RAB3IP: variants seen among roughly 807,000 people sequenced by gnomAD.
RAB3IP encodes the protein RAB3A interacting protein.
Under a neutral mutation model 59.1 loss-of-function variants are expected in RAB3IP, and 36 were observed. That is an observed-to-expected ratio of 0.61 (90% CI 0.47 to 0.80). The LOEUF (loss-of-function observed/expected upper bound fraction) is 0.80. Ranked by LOEUF, RAB3IP falls within the 30% of genes least tolerant of loss-of-function variation. The probability of loss-of-function intolerance (pLI) is 0.00; values close to 1 mark genes in which losing one functional copy is unlikely to be tolerated. For missense variants in RAB3IP, 511 were observed against 536.0 expected (o/e 0.95, Z 0.46); for synonymous variants, 207 against 191.2 (o/e 1.08, Z -0.68).
intron 8 of RAB3IP, among the ~76,000 whole-genome samples, chr12:69,803,906 C>T (rs971150986): frequency 2.0e-5 from 3 of 152,178 alleles, no homozygotes; most frequent in African/African-American, 7.2e-5. Context: ...CATTGTTGGA[C>T]ATTTGGGTTG....
At chr12:69,759,954 C>T (rs1347850258) in intron 3 of RAB3IP, among the ~76,000 whole-genome samples, 8 of 149,512 alleles carry the variant, frequency 5.4e-5, no homozygotes, top group African/African-American at 1.8e-4. Context: ...CGGGCAGAGA[C>T]GCTCCTCACT....
chr12:69,739,971 A>C, intron 1 of RAB3IP: 1 of 1,110,028 alleles, frequency 9.0e-7, no homozygotes, highest in Non-Finnish European at 1.4e-6. Flanking sequence ...TACCTGTTAT[A>C]CACTCTCCTG....
intron 8 of RAB3IP, among the ~76,000 whole-genome samples, chr12:69,809,194 A>G: frequency 6.7e-6 from 1 of 150,186 alleles, no homozygotes. Flanking sequence ...TCTGGGTTGA[A>G]AATTATTTTC....
At chr12:69,802,711 T>A (rs1878581675) in intron 8 of RAB3IP, among the ~76,000 whole-genome samples, 9 of 152,230 alleles carry the variant, frequency 5.9e-5, no homozygotes, top group Admixed American at 5.9e-4. Context: ...CTGGTTGAGA[T>A]GAACTAATAG....
At chr12:69,809,357 T>C (rs1249380901) in intron 8 of RAB3IP, among the ~76,000 whole-genome samples, 2 of 152,320 alleles carry the variant, frequency 1.3e-5, no homozygotes, top group African/African-American at 4.8e-5. Flanking sequence ...TCAACTTTGG[T>C]GAATCTGACA....
chr12:69,799,519 T>G (rs1166903392), intron 6 of RAB3IP, among the ~76,000 whole-genome samples: 1 of 152,180 alleles, frequency 6.6e-6, no homozygotes, highest in African/African-American at 2.4e-5. Context: ...TGGATTATTA[T>G]TGATGCCTAA....
intron 3 of RAB3IP, among the ~76,000 whole-genome samples, chr12:69,781,797 G>A (rs1357655470): frequency 6.6e-6 from 1 of 152,202 alleles, no homozygotes; most frequent in Non-Finnish European, 1.5e-5. Context: ...CTGCTTCTAA[G>A]TTTGGGCAGT....
At position 69,817,849 on chromosome 12, in the gene RAB3IP, T is replaced by C. The variant is rs1472350810; in HGVS notation, c.*2403T>C. 1 of 151,606 alleles carries C rather than the reference T, an allele frequency of 6.6e-6. No homozygotes were observed. Among genetic ancestry groups the C allele is most frequent in the Non-Finnish European group, 1.5e-5 (1 of 67,898 alleles). 9.4% of individuals were successfully genotyped at this position (151,606 alleles called of 1,614,324 possible). A position where few individuals can be genotyped will look rare whatever the true frequency, so the allele number is the denominator to read the frequency against. ...GCAACATTTATAACTAGTAATAGCT[T>C]AGTATCAAGAATGTATGCAGAAATT... is the stretch of plus-strand genomic sequence containing the variant. On this transcript the variant is annotated 3_prime_UTR_variant, in exon 11 of 11. Transcript: ENST00000247833.
In RAB3IP at chr12:69,755,584, A is replaced by C. The variant is rs377397273; in HGVS notation, c.176A>C (p.Asp59Ala). The C allele has an allele frequency of 2.7e-5, 43 of 1,613,830 alleles. No homozygotes were observed. Among genetic ancestry groups the C allele is most frequent in the Non-Finnish European group, 3.6e-5 (42 of 1,179,964 alleles). ...GTACCTATCCAGGCAAATGCATTAGATGTTTCTGAACTTCCTACACAACCC... is the reference window on the plus strand; with the variant it reads ...GTACCTATCCAGGCAAATGCATTAGCTGTTTCTGAACTTCCTACACAACCC... ...SSVPIQANAL[D>A]VSELPTQPVY... Residue 59 changes from aspartate (D) to alanine (A), a missense_variant, in exon 2 of 11, where the codon GAT becomes GCT. By Grantham distance (126) the Asp-to-Ala change is moderately radical. Transcript: ENST00000247833.
chr12:69,753,338 G>A (rs1302909097), intron 1 of RAB3IP, among the ~76,000 whole-genome samples: 13 of 152,100 alleles, frequency 8.5e-5, no homozygotes, highest in Admixed American at 8.5e-4. Context: ...GAAATGATGT[G>A]CTATATTGTT....
At chr12:69,747,425 A>G (rs1021974253) in intron 1 of RAB3IP, among the ~76,000 whole-genome samples, 3 of 151,964 alleles carry the variant, frequency 2.0e-5, no homozygotes, top group Admixed American at 2.0e-4. Context: ...TTCCTGGCTC[A>G]GGAGTAGCTG....
chr12:69,765,976 C>G (rs186100486), intron 3 of RAB3IP, among the ~76,000 whole-genome samples: 2 of 152,340 alleles, frequency 1.3e-5, no homozygotes, highest in East Asian at 1.9e-4. Flanking sequence ...GGTCCCCAAT[C>G]TATCCTGGCT....
chr12:69,752,335 T>A (rs933343245), intron 1 of RAB3IP, among the ~76,000 whole-genome samples: 42 of 150,848 alleles, frequency 2.8e-4, no homozygotes, highest in Non-Finnish European at 5.3e-4. Flanking sequence ...ATATATATAT[T>A]TATTTATTTT....
At chr12:69,788,334 T>G (rs990225939) in intron 4 of RAB3IP, among the ~76,000 whole-genome samples, 1 of 152,160 alleles carries the variant, frequency 6.6e-6, no homozygotes, top group Non-Finnish European at 1.5e-5. Context: ...TATTGCTTAT[T>G]GCTCCTGGGC....
intron 3 of RAB3IP, among the ~76,000 whole-genome samples, chr12:69,779,943 A>T (rs1874383506): frequency 6.6e-6 from 1 of 152,166 alleles, no homozygotes. Flanking sequence ...TTAGTTATTT[A>T]TTCAAGTCTT....
chr12:69,795,355 A>G lies in RAB3IP; in HGVS notation c.888+11A>G. 1.9e-6 allele frequency: 3 copies of G among 1,601,686 alleles called. No homozygotes were observed. Among genetic ancestry groups the G allele is most frequent in the Non-Finnish European group, 2.6e-6 (3 of 1,169,270 alleles). ...AAAGACTGCAAAGAGGTAACTCATCAAGGACTGTCCCCTCTGACTCTGTTG... is the reference window on the plus strand; with the variant it reads ...AAAGACTGCAAAGAGGTAACTCATCGAGGACTGTCCCCTCTGACTCTGTTG... On this transcript the variant is annotated intron_variant, in intron 6 of 10. Transcript: ENST00000247833.
In RAB3IP at chr12:69,795,277, G is replaced by A. The variant is rs1208074163; in HGVS notation, c.821G>A (p.Ser274Asn). 4 of 1,614,008 alleles carry A rather than the reference G, an allele frequency of 2.5e-6. No homozygotes were observed. In the South Asian group the frequency reaches 4.4e-5, roughly 18 times the overall value. Residue 274 changes from serine (S) to asparagine (N), a missense_variant, in exon 6 of 11, where the codon AGC (serine) becomes AAC (asparagine). Coordinates refer to ENST00000247833, the MANE Select transcript of RAB3IP (RefSeq NM_022456.5). ...KKGHTRNKST[S>N]SAMSGSHQDL... is the part of the protein sequence containing the mutation. ...GGGCATACAAGAAATAAAAGCACAAGCAGTGCTATGAGTGGCAGTCATCAG... is the reference window on the plus strand; with the variant it reads ...GGGCATACAAGAAATAAAAGCACAAACAGTGCTATGAGTGGCAGTCATCAG...
At chr12:69,802,739 T>C (rs924585698) in intron 8 of RAB3IP, among the ~76,000 whole-genome samples, 2 of 152,198 alleles carry the variant, frequency 1.3e-5, no homozygotes, top group Non-Finnish European at 2.9e-5. Context: ...TTAAAGCTGT[T>C]GTAGGAATTG....
intron 1 of RAB3IP, among the ~76,000 whole-genome samples, chr12:69,747,933 C>G (rs1479327307): frequency 1.3e-5 from 2 of 152,076 alleles, no homozygotes; most frequent in African/African-American, 4.8e-5. Flanking sequence ...TGCTGTGTTG[C>G]CATATTACCT....
Sources: allele counts gnomAD v4.1 joint callset (sites outside exome capture counted in the v4.1 genomes callset), GRCh38; gene constraint gnomAD v4.1.1; transcripts MANE v1.5; gene names NCBI Gene and HGNC (gene_info 2026-07-23, HGNC 2026-07-21).